The following MAP2K6 variants were observed in gnomAD, a reference collection of about 807,000 sequenced individuals.
MAP2K6 encodes mitogen-activated protein kinase kinase 6, also known as dual specificity mitogen-activated protein kinase kinase 6.
Under a neutral mutation model 53.7 loss-of-function variants are expected in MAP2K6, and 16 were observed. That is an observed-to-expected ratio of 0.30 (90% CI 0.20 to 0.45). The LOEUF is 0.45. MAP2K6 is among the 20% of genes least tolerant of loss of function. MAP2K6 has a pLI of 1.00. For synonymous variants in MAP2K6, 132 were observed against 143.1 expected (o/e 0.92, Z 0.55); for missense variants, 204 against 411.9 (o/e 0.50, Z 4.37).
At chr17:69,444,164 A>G (rs1052155852) in intron 1 of MAP2K6, among the ~76,000 whole-genome samples, 11 of 152,172 alleles carry the variant, frequency 7.2e-5, no homozygotes, top group Admixed American at 5.9e-4. Context: ...TTTCTGTACC[A>G]TTGAACTACA....
intron 1 of MAP2K6, among the ~76,000 whole-genome samples, chr17:69,479,130 C>T (rs1003352658): frequency 6.6e-6 from 1 of 151,978 alleles, no homozygotes; most frequent in Non-Finnish European, 1.5e-5. Context: ...GTGGTGTGAC[C>T]GGTGATCACA....
chr17:69,523,500 G>T lies in MAP2K6; in HGVS notation c.536-14G>T. ...AGGCTGAAATGATGGCATCCTGGTT[G>T]TTTTCGCTTTCAGACGTCAAGCCTT... is the stretch of plus-strand genomic sequence containing the variant. On this transcript the variant is annotated splice_polypyrimidine_tract_variant and intron_variant, in intron 7 of 11. Transcript: ENST00000590474. The T allele has an allele frequency of 6.2e-7, 1 of 1,613,034 alleles. No homozygotes were observed. The highest frequency in any genetic ancestry group is 8.5e-7 in the Non-Finnish European group (1 of 1,179,056).
In MAP2K6 at chr17:69,542,754, C is replaced by T. The variant is rs1911700583; in HGVS notation, c.*1001C>T. 1.3e-5 allele frequency: 2 copies of T among 152,104 alleles called. No individual in the cohort carries two copies. Among genetic ancestry groups the T allele is most frequent in the African/African-American group, 4.8e-5 (2 of 41,404 alleles). The allele number at this position is 152,104 out of a possible 1,614,324, so 9.4% of individuals were successfully genotyped here. Reference sequence around the variant, plus strand: ...AATGGTGCCTTCTTCTGCGTTTGTCCCTCCTGCCATGTGTAAGTTGTAAGG... The same window carrying T: ...AATGGTGCCTTCTTCTGCGTTTGTCTCTCCTGCCATGTGTAAGTTGTAAGG... On this transcript the variant is annotated 3_prime_UTR_variant, in exon 12 of 12. Coordinates refer to ENST00000590474, the MANE Select transcript of MAP2K6 (RefSeq NM_002758.4).
intron 1 of MAP2K6, among the ~76,000 whole-genome samples, chr17:69,455,687 A>G (rs1364088290): frequency 6.6e-6 from 1 of 152,022 alleles, no homozygotes; most frequent in East Asian, 1.9e-4. Context: ...TGGGCCACAT[A>G]TGGTCTCTGC....
At chr17:69,481,387 T>C (rs1598282797) in intron 1 of MAP2K6, among the ~76,000 whole-genome samples, 2 of 152,194 alleles carry the variant, frequency 1.3e-5, no homozygotes, top group African/African-American at 4.8e-5. Context: ...TACCATATTT[T>C]GTGTATCTAT....
chr17:69,536,267 T>C (rs1911353387), intron 11 of MAP2K6, 107 bp downstream of exon 11: 7 of 789,488 alleles, frequency 8.9e-6, no homozygotes, highest in Non-Finnish European at 1.3e-5. Context: ...AGTTGGTTCA[T>C]TGATACATCA....
At chr17:69,417,002 T>C (rs1400807301) in intron 1 of MAP2K6, among the ~76,000 whole-genome samples, 2 of 152,230 alleles carry the variant, frequency 1.3e-5, no homozygotes, top group African/African-American at 4.8e-5. Context: ...GTGTTTACAA[T>C]GGATCAGGTA....
At chr17:69,513,560 C>T (rs182163375) in intron 2 of MAP2K6, among the ~76,000 whole-genome samples, 2 of 152,056 alleles carry the variant, frequency 1.3e-5, no homozygotes, top group Non-Finnish European at 2.9e-5. Flanking sequence ...GGTCAGCAAA[C>T]TTTTTTGTAA....
At chr17:69,491,155 C>CT (rs952614308) in intron 1 of MAP2K6, among the ~76,000 whole-genome samples, 69 of 150,992 alleles carry the variant, frequency 4.6e-4, no homozygotes, top group African/African-American at 1.7e-3. Context: ...CTCCTTCCTT[C>CT]TTTTTTTTGA....
chr17:69,415,011 G>A lies in MAP2K6; in HGVS notation c.16+11G>A. 2 of 1,544,474 alleles carry A rather than the reference G, an allele frequency of 1.3e-6. No homozygotes were observed. The highest frequency in any genetic ancestry group is 1.8e-6 in the Non-Finnish European group (2 of 1,116,906). ...TGTCTCAGTCGAAAGGTAAGAGGCT[G>A]TTTGCATTAGTTGCAAAAATGCAAA... On this transcript the variant is annotated intron_variant, in intron 1 of 11. Coordinates refer to ENST00000590474, the MANE Select transcript of MAP2K6 (RefSeq NM_002758.4).
chr17:69,467,315 T>C (rs1279273340), intron 1 of MAP2K6, among the ~76,000 whole-genome samples: 1 of 152,230 alleles, frequency 6.6e-6, no homozygotes, highest in Admixed American at 6.5e-5. Flanking sequence ...CCTGGGATGA[T>C]GTTTTACCTA....
intron 1 of MAP2K6, among the ~76,000 whole-genome samples, chr17:69,495,805 A>G (rs16974079): frequency 0.018 from 2,702 of 152,258 alleles, 92 homozygotes; most frequent in African/African-American, 0.061. Context: ...ACGCCACTAA[A>G]TTTCTTTGCA....
intron 1 of MAP2K6, among the ~76,000 whole-genome samples, chr17:69,493,335 A>G (rs1908825683): frequency 1.3e-5 from 2 of 150,460 alleles, no homozygotes; most frequent in Admixed American, 6.6e-5. Flanking sequence ...GTGTTGCAAC[A>G]CTAACTACAA....
intron 1 of MAP2K6, among the ~76,000 whole-genome samples, chr17:69,418,447 C>T (rs1251614827): frequency 6.6e-6 from 1 of 152,134 alleles, no homozygotes; most frequent in Non-Finnish European, 1.5e-5. Context: ...AACCCTTGTT[C>T]ATTATAGAAA....
chr17:69,449,551 TTC>T (rs1400426722), intron 1 of MAP2K6, among the ~76,000 whole-genome samples: 1 of 106,680 alleles, frequency 9.4e-6, no homozygotes, highest in African/African-American at 5.2e-5. Flanking sequence ...CTTTCTTTCT[TTC>T]TTTCTTTATT....
In MAP2K6 at chr17:69,467,474, G is replaced by A. The variant is rs1381886538; in HGVS notation, c.17-38306G>A. ...AAAGTGGGAGGAGAATGGATTGTATGGAGCTGTGAAATGCCATTGTGGTGA... is the reference window on the plus strand; with the variant it reads ...AAAGTGGGAGGAGAATGGATTGTATAGAGCTGTGAAATGCCATTGTGGTGA... On this transcript the variant is annotated intron_variant, in intron 1 of 11. Transcript: ENST00000590474. Among the ~76,000 whole-genome samples, 4 of 152,298 alleles carry A rather than the reference G, an allele frequency of 2.6e-5. No homozygotes were observed. The South Asian group carries it at 8.3e-4, about 32-fold the overall frequency.
intron 11 of MAP2K6, among the ~76,000 whole-genome samples, chr17:69,539,871 C>T (rs986962873): frequency 7.2e-5 from 11 of 152,182 alleles, no homozygotes; most frequent in Admixed American, 5.9e-4. Flanking sequence ...GGTAAGTGTG[C>T]TGTGTATGTG....
In MAP2K6 at chr17:69,537,087, A is replaced by C. The variant is rs1321691407; in HGVS notation, c.927+927A>C. ...ACAGAGTGAGACCCTGTCTCAAAGA[A>C]AAACAAACAAACAAACAAACAAAAC... On this transcript the variant is annotated intron_variant, in intron 11 of 11. Transcript: ENST00000590474. 2.6e-5 allele frequency among the ~76,000 whole-genome samples: 4 copies of C among 151,692 alleles called. No homozygotes were observed. In the East Asian group the frequency reaches 7.7e-4, roughly 29 times the overall value.
intron 1 of MAP2K6, among the ~76,000 whole-genome samples, chr17:69,421,197 A>G (rs887394616): frequency 6.6e-6 from 1 of 152,170 alleles, no homozygotes; most frequent in African/African-American, 2.4e-5. Context: ...CGGGTAATTA[A>G]ATTACAATGC....
Sources: gnomAD v4.1 joint callset for allele counts (sites outside exome capture counted in the v4.1 genomes callset) on GRCh38, gnomAD v4.1.1 for gene constraint, MANE v1.5 for transcripts, NCBI Gene and HGNC (gene_info 2026-07-23, HGNC 2026-07-21) for gene names.